RIT2: variants seen among roughly 807,000 people sequenced by gnomAD.
The protein encoded by RIT2 is Ras like without CAAX 2.
In RIT2, 24 loss-of-function variants were observed where a neutral mutation model predicts 23.7. The observed-to-expected ratio is 1.01, with a 90% CI of 0.73 to 1.43. The LOEUF (loss-of-function observed/expected upper bound fraction) is 1.43. Ranked by LOEUF, RIT2 falls within the 40% of genes most tolerant of loss-of-function variation. The pLI is 0.00. For missense variants in RIT2, 236 were observed against 266.9 expected (o/e 0.88, Z 0.81); for synonymous variants, 107 against 91.1 (o/e 1.17, Z -0.99).
chr18:42,831,215 A>C (rs1906448123), intron 4 of RIT2, among the ~76,000 whole-genome samples: 1 of 152,196 alleles, frequency 6.6e-6, no homozygotes, highest in Non-Finnish European at 1.5e-5. Context: ...AAAGGCAGGA[A>C]TAGTTTCTCA....
chr18:42,817,137 A>C (rs1273727856), intron 4 of RIT2, among the ~76,000 whole-genome samples: 3 of 152,106 alleles, frequency 2.0e-5, no homozygotes, highest in African/African-American at 7.2e-5. Context: ...GGGAGAAAAA[A>C]GGTATTTGAA....
intron 4 of RIT2, among the ~76,000 whole-genome samples, chr18:42,763,553 G>A (rs145134192): frequency 5.9e-4 from 90 of 151,836 alleles, no homozygotes; most frequent in African/African-American, 2.1e-3. Flanking sequence ...AGTGAGTGAT[G>A]AGTCAATGTG....
chr18:42,890,649 G>A (rs1205168726), intron 4 of RIT2, among the ~76,000 whole-genome samples: 1 of 151,916 alleles, frequency 6.6e-6, no homozygotes, highest in East Asian at 1.9e-4. Flanking sequence ...CAACAAAAAG[G>A]TCCAGAATTA....
chr18:42,951,772 T>G (rs543491884), intron 3 of RIT2, among the ~76,000 whole-genome samples: 1 of 152,222 alleles, frequency 6.6e-6, no homozygotes, highest in South Asian at 2.1e-4. Flanking sequence ...TGTCCATTCA[T>G]GGAATAATGC....
intron 4 of RIT2, among the ~76,000 whole-genome samples, chr18:42,775,860 T>TACACACACACAC (rs113530360): frequency 2.0e-5 from 3 of 148,880 alleles, no homozygotes; most frequent in Non-Finnish European, 4.5e-5. Flanking sequence ...CACACACACA[T>TACACACACACAC]ACACACACAC....
At chr18:42,995,426 G>C (rs1910957927) in intron 2 of RIT2, among the ~76,000 whole-genome samples, 1 of 152,006 alleles carries the variant, frequency 6.6e-6, no homozygotes, top group Non-Finnish European at 1.5e-5. Context: ...TTTCCTACAG[G>C]GTCTAAGAAG....
chr18:42,950,653 G>T (rs1909828355), intron 3 of RIT2, among the ~76,000 whole-genome samples: 1 of 151,766 alleles, frequency 6.6e-6, no homozygotes, highest in Non-Finnish European at 1.5e-5. Flanking sequence ...ATCTGACAAA[G>T]GTCTAAATAT....
chr18:42,906,838 A>G (rs1908635800), intron 4 of RIT2, among the ~76,000 whole-genome samples: 1 of 152,080 alleles, frequency 6.6e-6, no homozygotes, highest in African/African-American at 2.4e-5. Flanking sequence ...AGCTTTTCCT[A>G]TTATTCCTTG....
intron 1 of RIT2, among the ~76,000 whole-genome samples, chr18:43,107,317 T>C (rs1913846346): frequency 1.3e-5 from 2 of 152,262 alleles, no homozygotes; most frequent in Admixed American, 1.3e-4. Context: ...TATCATTGCC[T>C]CACAAGTCTG....
intron 1 of RIT2, among the ~76,000 whole-genome samples, chr18:43,104,859 C>T (rs937828607): frequency 3.3e-5 from 5 of 152,034 alleles, no homozygotes; most frequent in African/African-American, 4.8e-5. Context: ...ATTAGCTTTT[C>T]CTGCAACCAT....
intron 4 of RIT2, among the ~76,000 whole-genome samples, chr18:42,812,174 T>G (rs2143978268): frequency 6.6e-6 from 1 of 152,260 alleles, no homozygotes; most frequent in South Asian, 2.1e-4. Flanking sequence ...TCCTAGAGAC[T>G]TTGAAAATAG....
Position 42,774,483 on chromosome 18 carries a change from A to T in RIT2, c.427-30763T>A, listed in dbSNP as rs182867705. Among the ~76,000 whole-genome samples, 247 of 147,888 alleles carry T rather than the reference A, an allele frequency of 1.7e-3. 2 individuals are homozygous for T. Among genetic ancestry groups the T allele is most frequent in the African/African-American group, 6.2e-3 (235 of 37,846 alleles). On this transcript the variant is annotated intron_variant, in intron 4 of 4. Transcript: ENST00000326695. ...ATCTATGAAAGACCTGTCCTCAGAT[A>T]AAAAAAAAGAAAAGGTAAAACATAG...
chr18:42,753,414 G>A (rs1469228140), intron 4 of RIT2, among the ~76,000 whole-genome samples: 1 of 152,142 alleles, frequency 6.6e-6, no homozygotes, highest in East Asian at 1.9e-4. Flanking sequence ...CCTTGAGTGA[G>A]GGAGTGAGGG....
intron 1 of RIT2, among the ~76,000 whole-genome samples, chr18:43,060,523 C>T (rs4265907): frequency 0.29 from 43,783 of 152,000 alleles, 6,534 homozygotes; most frequent in African/African-American, 0.36. Flanking sequence ...TATGCCTTCA[C>T]ATTATTCCAG....
chr18:43,023,996 C>T (rs1428030180), intron 2 of RIT2, among the ~76,000 whole-genome samples: 1 of 151,954 alleles, frequency 6.6e-6, no homozygotes, highest in Non-Finnish European at 1.5e-5. Context: ...TGGCATGTTT[C>T]AGAAACAAAG....
chr18:42,859,603 T>G (rs1568014817), intron 4 of RIT2, among the ~76,000 whole-genome samples: 1 of 152,210 alleles, frequency 6.6e-6, no homozygotes, highest in Non-Finnish European at 1.5e-5. Flanking sequence ...TTGCTTGTGC[T>G]TTTTGTGTTG....
intron 4 of RIT2, among the ~76,000 whole-genome samples, chr18:42,907,651 A>T (rs1362688070): frequency 3.3e-5 from 5 of 152,182 alleles, no homozygotes; most frequent in African/African-American, 9.7e-5. Flanking sequence ...ATTATTTGAT[A>T]CCAATATCAA....
At chr18:42,933,643 G>T (rs1370825416) in intron 3 of RIT2, among the ~76,000 whole-genome samples, 4 of 152,118 alleles carry the variant, frequency 2.6e-5, no homozygotes, top group Non-Finnish European at 5.9e-5. Context: ...GCCACCATGT[G>T]ATGAAGGACA....
At chr18:43,077,421 G>A (rs1363784226) in intron 1 of RIT2, among the ~76,000 whole-genome samples, 1 of 150,350 alleles carries the variant, frequency 6.7e-6, no homozygotes, top group South Asian at 2.1e-4. Flanking sequence ...CTCTTTTCTT[G>A]AACATTTTTT....
Sources: gnomAD v4.1 joint callset for allele counts (sites outside exome capture counted in the v4.1 genomes callset) on GRCh38, gnomAD v4.1.1 for gene constraint, MANE v1.5 for transcripts, NCBI Gene and HGNC (gene_info 2026-07-23, HGNC 2026-07-21) for gene names.